Variants in HDX observed in about 807,000 individuals in gnomAD.
HDX encodes the protein highly divergent homeobox, also known as chromosome X open reading frame 43.
Under a neutral mutation model 45.2 loss-of-function variants are expected in HDX, and 19 were observed. That is an observed-to-expected ratio of 0.42 (90% CI 0.29 to 0.62). The LOEUF is 0.62. HDX is among the 20% of genes least tolerant of loss of function. HDX has a pLI of 0.20. For synonymous variants in HDX, 188 were observed against 172.8 expected (o/e 1.09, Z -0.69); for missense variants, 532 against 493.9 (o/e 1.08, Z -0.73).
chrX:84,462,089 G>A (rs890342692), intron 4 of HDX, among the ~76,000 whole-genome samples: 24 of 111,807 alleles, frequency 2.1e-4, no homozygotes, highest in African/African-American at 6.8e-4. Context: ...ATTAGTACAC[G>A]CACTATGGAG....
intron 3 of HDX, among the ~76,000 whole-genome samples, chrX:84,474,374 G>T (rs12556027): frequency 0.023 from 2,540 of 112,279 alleles, 50 homozygotes; most frequent in African/African-American, 0.071. Context: ...ATTTGAAGGC[G>T]AATAAATCTT....
chrX:84,456,409 A>G (rs1171266458), intron 4 of HDX, among the ~76,000 whole-genome samples: 1 of 111,568 alleles, frequency 9.0e-6, no homozygotes, highest in Non-Finnish European at 1.9e-5. Flanking sequence ...AATAGAAATG[A>G]AAACATAGCA....
chrX:84,442,473 A>T (rs2039781093), intron 4 of HDX, among the ~76,000 whole-genome samples: 1 of 111,309 alleles, frequency 9.0e-6, no homozygotes, highest in Non-Finnish European at 1.9e-5. Flanking sequence ...AAAATAAAAA[A>T]TATTTTTACT....
At position 84,356,763 on chromosome X, in the gene HDX, T is replaced by C. The variant is rs867716000; in HGVS notation, c.1452+4703A>G. Among the ~76,000 whole-genome samples, 338 of 108,707 alleles carry C rather than the reference T, an allele frequency of 3.1e-3. 1 individual carries two copies. Among genetic ancestry groups the C allele is most frequent in the African/African-American group, 0.01 (313 of 29,858 alleles). The allele number at this position is 108,707 out of a possible 115,157, so 94.4% of individuals were successfully genotyped here. A position where few individuals can be genotyped will look rare whatever the true frequency, so the allele number is the denominator to read the frequency against. ...TCAGCTTCCCGAGTAGCTGGGACTA[T>C]AGGCGCCCGCCACCACGCCTGGCTA... On this transcript the variant is annotated intron_variant, in intron 6 of 10. Coordinates refer to ENST00000373177, the MANE Select transcript of HDX (RefSeq NM_001177479.2).
At chrX:84,468,399 T>G (rs777647071) in intron 4 of HDX, 73 bp downstream of exon 4, 257 of 655,988 alleles carry the variant, frequency 3.9e-4, no homozygotes, top group Non-Finnish European at 5.0e-4. Context: ...ATGAGTTAAG[T>G]GATCCAGGTC....
At chrX:84,353,544 G>A (rs2037408286) in intron 6 of HDX, among the ~76,000 whole-genome samples, 1 of 111,325 alleles carries the variant, frequency 9.0e-6, no homozygotes, top group Non-Finnish European at 1.9e-5. Flanking sequence ...GAACAATTAA[G>A]AATAAATTTC....
At chrX:84,457,385 C>T (rs2040134752) in intron 4 of HDX, among the ~76,000 whole-genome samples, 1 of 111,047 alleles carries the variant, frequency 9.0e-6, no homozygotes, top group Non-Finnish European at 1.9e-5. Context: ...TTTAGTTCAC[C>T]TCGGAAAAAT....
chrX:84,341,626 G>C (rs2037087252), intron 7 of HDX, among the ~76,000 whole-genome samples: 1 of 109,676 alleles, frequency 9.1e-6, no homozygotes, highest in Non-Finnish European at 1.9e-5. Context: ...AAATTCAATG[G>C]CTTTCTCATC....
chrX:84,446,885 CTG>C (rs2039885360), intron 4 of HDX, among the ~76,000 whole-genome samples: 1 of 111,955 alleles, frequency 8.9e-6, no homozygotes, highest in Non-Finnish European at 1.9e-5. Flanking sequence ...CCAGTCTCTT[CTG>C]TGAGTAAGAG....
chrX:84,348,649 G>A (rs1026991316), intron 6 of HDX, among the ~76,000 whole-genome samples: 3 of 111,760 alleles, frequency 2.7e-5, no homozygotes, highest in African/African-American at 9.7e-5. Context: ...TTAGGAGGAA[G>A]TTAAAGCATC....
chrX:84,477,592 T>C (rs2040582432), intron 2 of HDX, among the ~76,000 whole-genome samples: 1 of 111,431 alleles, frequency 9.0e-6, no homozygotes, highest in Non-Finnish European at 1.9e-5. Flanking sequence ...TTATAGGAAG[T>C]TAATTCTTTA....
chrX:84,385,841 T>G (rs1462085252), intron 5 of HDX, among the ~76,000 whole-genome samples: 1 of 100,388 alleles, frequency 1.0e-5, no homozygotes, highest in Non-Finnish European at 2.0e-5. Flanking sequence ...TGAATGGTTT[T>G]TTTTTTTTTT....
chrX:84,351,069 A>G (rs1443467242), intron 6 of HDX, among the ~76,000 whole-genome samples: 1 of 109,478 alleles, frequency 9.1e-6, no homozygotes, highest in Non-Finnish European at 1.9e-5. Flanking sequence ...TATCTATCTT[A>G]TGACAGTCAC....
At chrX:84,431,202 T>G (rs2148035288) in intron 5 of HDX, among the ~76,000 whole-genome samples, 1 of 110,684 alleles carries the variant, frequency 9.0e-6, no homozygotes, top group South Asian at 3.8e-4. Flanking sequence ...TATGGCCACG[T>G]AGCATTTGAT....
intron 5 of HDX, among the ~76,000 whole-genome samples, chrX:84,395,283 A>G (rs2038534302): frequency 9.1e-6 from 1 of 109,359 alleles, no homozygotes; most frequent in Admixed American, 9.8e-5. Flanking sequence ...ATCAGCTTTT[A>G]TTTGTCTGGA....
At chrX:84,491,855 C>G (rs1364506231) in intron 1 of HDX, among the ~76,000 whole-genome samples, 1 of 111,459 alleles carries the variant, frequency 9.0e-6, no homozygotes. Flanking sequence ...CATAACTATT[C>G]CTGGTCCTCC....
intron 5 of HDX, among the ~76,000 whole-genome samples, chrX:84,406,536 T>A (rs1286875489): frequency 5.2e-4 from 4 of 7,685 alleles, no homozygotes; most frequent in African/African-American, 6.4e-4. Context: ...ACACACACAC[T>A]CTATGTATCT....
intron 1 of HDX, among the ~76,000 whole-genome samples, chrX:84,496,121 G>T (rs1317432411): frequency 8.9e-6 from 1 of 111,746 alleles, no homozygotes; most frequent in Non-Finnish European, 1.9e-5. Context: ...GAGGCTTAGC[G>T]ATTTTACCTA....
intron 1 of HDX, among the ~76,000 whole-genome samples, chrX:84,493,255 T>C (rs2040930288): frequency 8.9e-6 from 1 of 112,274 alleles, no homozygotes; most frequent in Admixed American, 9.4e-5. Context: ...TTTATTAAGC[T>C]AGAATTTACT....
Sources: gnomAD v4.1 joint callset for allele counts (sites outside exome capture counted in the v4.1 genomes callset) on GRCh38, gnomAD v4.1.1 for gene constraint, MANE v1.5 for transcripts, NCBI Gene and HGNC (gene_info 2026-07-23, HGNC 2026-07-21) for gene names.